The following MVD variants were observed in gnomAD, a reference collection of about 807,000 sequenced individuals.
MVD encodes the protein diphosphomevalonate decarboxylase.
Under a neutral mutation model 42.4 loss-of-function variants are expected in MVD, and 52 were observed. The ratio of observed to expected loss-of-function variants is 1.23; its 90% CI spans 0.98 to 1.55. The LOEUF is 1.55. Ranked by LOEUF, MVD falls within the 40% of genes most tolerant of loss-of-function variation. The pLI is 0.00. For synonymous variants in MVD, 287 were observed against 243.2 expected (o/e 1.18, Z -1.68); for missense variants, 663 against 572.1 (o/e 1.16, Z -1.62).
Position 88,652,591 on chromosome 16 carries a change from A to G in MVD, c.1137T>C (p.Pro379=). Residue 379 remains proline (P), a synonymous_variant, in exon 10 of 10, where the codon CCT becomes CCC. Transcript: ENST00000301012. The part of the protein sequence containing the change: ...YIIVTQVGPG[P]QILDDPCAHL... ...GGGCGCAGGGGTCATCCAGGATTTG[A>G]GGCCCTGGCCCCACCTGGGGATAGA... The G allele has an allele frequency of 6.4e-7, 1 of 1,561,984 alleles. No individual in the cohort carries two copies. The highest frequency in any genetic ancestry group is 2.4e-5 in the East Asian group (1 of 41,968).
chr16:88,657,420 C>G lies in MVD; in HGVS notation c.403+16G>C, dbSNP rs1328990009. 1 of 1,586,106 alleles carries G rather than the reference C, an allele frequency of 6.3e-7. No individual in the cohort carries two copies. Among genetic ancestry groups the G allele is most frequent in the Non-Finnish European group, 8.6e-7 (1 of 1,167,170 alleles). The stretch of plus-strand genomic sequence containing the variant: ...CCCACAGCCCAGAACCCCTGCGGGT[C>G]TCTGTGGGCACCCACCTAGGCAGGC... On this transcript the variant is annotated intron_variant, in intron 4 of 9. Transcript: ENST00000301012.
intron 9 of MVD, 72 bp downstream of exon 9, chr16:88,653,228 G>T: frequency 8.0e-7 from 1 of 1,257,818 alleles, no homozygotes; most frequent in Non-Finnish European, 1.1e-6. Flanking sequence ...GCCTTTAAGG[G>T]CCCTGGGGGC....
intron 8 of MVD, 67 bp downstream of exon 8, chr16:88,654,625 C>T (rs760445414): frequency 1.2e-5 from 18 of 1,489,866 alleles, no homozygotes; most frequent in Admixed American, 4.5e-5. Flanking sequence ...CAGGTGCCTC[C>T]GTCTCTTCCG....
At chr16:88,661,598 GAAGA>G (rs1908295636) in intron 1 of MVD, among the ~76,000 whole-genome samples, 1 of 152,000 alleles carries the variant, frequency 6.6e-6, no homozygotes, top group African/African-American at 2.4e-5. Context: ...CACAGAATAT[GAAGA>G]GAGATTTCAC....
intron 4 of MVD, 107 bp downstream of exon 4, chr16:88,657,329 A>G: frequency 1.4e-6 from 2 of 1,449,288 alleles, no homozygotes; most frequent in Non-Finnish European, 1.9e-6. Context: ...GGGTGAGGGG[A>G]TGCTCTTTTA....
At chr16:88,656,933 G>C (rs932366942) in intron 4 of MVD, 2 of 320,312 alleles carry the variant, frequency 6.2e-6, no homozygotes, top group Admixed American at 4.4e-5. Context: ...GAAGCTGCCA[G>C]CAAGTGGCCT....
intron 2 of MVD, 65 bp from the exon 3 acceptor site, chr16:88,658,094 C>G: frequency 6.6e-7 from 1 of 1,506,862 alleles, no homozygotes. Flanking sequence ...CCAGGTACCC[C>G]TTTCTACTGA....
intron 8 of MVD, 118 bp from the exon 9 acceptor site, chr16:88,653,526 G>T: frequency 1.2e-6 from 1 of 821,942 alleles, no homozygotes; most frequent in Non-Finnish European, 1.9e-6. Context: ...GGCTCAGGGA[G>T]GGGGAGACGG....
At chr16:88,659,737 G>A (rs1380254322) in intron 1 of MVD, among the ~76,000 whole-genome samples, 2 of 152,050 alleles carry the variant, frequency 1.3e-5, no homozygotes, top group Non-Finnish European at 2.9e-5. Flanking sequence ...AGGTCGAGGT[G>A]GGCAGATCAC....
rs1056139884 is a variant in MVD at position 88,662,751 on chromosome 16, G to C, written c.70+260C>G. On this transcript the variant is annotated intron_variant, in intron 1 of 9. Coordinates refer to ENST00000301012, the MANE Select transcript of MVD (RefSeq NM_002461.3). Reference sequence around the variant, plus strand: ...GATGATTGATGATTTCGATAGTTCGGTAATCGCTAATGGGCAGGCGCCGGG... The same window carrying C: ...GATGATTGATGATTTCGATAGTTCGCTAATCGCTAATGGGCAGGCGCCGGG... 2.0e-6 allele frequency: 3 copies of C among 1,478,856 alleles called. No individual in the cohort carries two copies. The African/African-American group carries it at 4.4e-5, about 22-fold the overall frequency. 91.6% of individuals were successfully genotyped at this position (1,478,856 alleles called of 1,614,324 possible). A position where few individuals can be genotyped will look rare whatever the true frequency, so the allele number is the denominator to read the frequency against.
chr16:88,654,435 G>A (rs1356520861), intron 8 of MVD, among the ~76,000 whole-genome samples: 1 of 152,206 alleles, frequency 6.6e-6, no homozygotes, highest in Non-Finnish European at 1.5e-5. Flanking sequence ...AGCTGCAGGG[G>A]ACGCTGTCAC....
intron 9 of MVD, among the ~76,000 whole-genome samples, chr16:88,652,963 C>A (rs1489377255): frequency 6.6e-6 from 1 of 152,082 alleles, no homozygotes; most frequent in East Asian, 1.9e-4. Flanking sequence ...GAACTCCGGT[C>A]TGCTGGGGTG....
chr16:88,655,911 T>C lies in MVD; in HGVS notation c.604-181A>G, dbSNP rs569778508. On this transcript the variant is annotated intron_variant, in intron 5 of 9. Coordinates refer to ENST00000301012, the MANE Select transcript of MVD (RefSeq NM_002461.3). The stretch of plus-strand genomic sequence containing the variant: ...GGGTGACGCAGGGGCAACTTCCAGA[T>C]CCCAGCGGGTGGTGGCGCCCGCCGC... 7.4e-4 allele frequency: 805 copies of C among 1,094,166 alleles called. 1 individual carries two copies. Among genetic ancestry groups the C allele is most frequent in the East Asian group, 5.0e-3 (192 of 38,556 alleles). 67.8% of individuals were successfully genotyped at this position (1,094,166 alleles called of 1,614,324 possible).
In MVD at chr16:88,656,215, C is replaced by CT; in HGVS notation, c.492_493insA (p.Gly165ArgfsTer30). On this transcript the variant is annotated frameshift_variant, in exon 5 of 10. Coordinates refer to ENST00000301012, the MANE Select transcript of MVD (RefSeq NM_002461.3). ...CCCATCTGCCACTCCACAAAGCCCC[C>CT]ATACAGGCTCCGGCAGGCGCTGCCT... is the stretch of plus-strand genomic sequence containing the variant. The CT allele has an allele frequency of 6.2e-7, 1 of 1,601,192 alleles. No individual in the cohort carries two copies. Among genetic ancestry groups the CT allele is most frequent in the Non-Finnish European group, 8.5e-7 (1 of 1,179,940 alleles).
Position 88,658,006 on chromosome 16 carries a change from G to C in MVD, c.165C>G (p.Val55=), listed in dbSNP as rs766384128. 6.2e-7 allele frequency: 1 copy of C among 1,614,094 alleles called. No homozygotes were observed. Among genetic ancestry groups the C allele is most frequent in the Admixed American group, 1.7e-5 (1 of 60,036 alleles). Reference sequence around the variant, plus strand: ...GGTCCTCGGTGAAGTCCTTGCTGATGACGGCTGTTGTGGTGGTTTTTAACT... The same window carrying C: ...GGTCCTCGGTGAAGTCCTTGCTGATCACGGCTGTTGTGGTGGTTTTTAACT... The part of the protein sequence containing the change: ...QDQLKTTTTA[V]ISKDFTEDRI... Residue 55 remains valine (V), a synonymous_variant, in exon 3 of 10, where the codon GTC becomes GTG. Coordinates refer to ENST00000301012, the MANE Select transcript of MVD (RefSeq NM_002461.3).
In MVD at chr16:88,652,476, C is replaced by T. The variant is rs549904492; in HGVS notation, c.*49G>A. The T allele has an allele frequency of 1.3e-5, 20 of 1,542,270 alleles. 1 individual carries two copies. The Middle Eastern group carries it at 1.4e-3, about 108-fold the overall frequency. ...GCCCACCACATCCGCTCCCTAGCTC[C>T]GGCGAGGCCACCCCTTCTCCAAGCG... On this transcript the variant is annotated 3_prime_UTR_variant, in exon 10 of 10. Coordinates refer to ENST00000301012, the MANE Select transcript of MVD (RefSeq NM_002461.3).
intron 4 of MVD, 111 bp from the exon 5 acceptor site, chr16:88,656,415 A>T: frequency 8.4e-7 from 1 of 1,195,096 alleles, no homozygotes; most frequent in Non-Finnish European, 1.2e-6. Flanking sequence ...GGATTTCCAG[A>T]TGACAGGGCT....
At chr16:88,654,169 G>C (rs1350733474) in intron 8 of MVD, among the ~76,000 whole-genome samples, 1 of 151,832 alleles carries the variant, frequency 6.6e-6, no homozygotes, top group African/African-American at 2.4e-5. Flanking sequence ...GCCAAGCTGT[G>C]CACCGAGGAG....
At position 88,655,746 on chromosome 16, in the gene MVD, A is replaced by C; in HGVS notation, c.604-16T>G. ...CAGCGCTCACCTGCACGAGGGAGAG[A>C]CAGCCTGGGCCACACCCTGCAGGGG... On this transcript the variant is annotated splice_polypyrimidine_tract_variant and intron_variant, in intron 5 of 9. Transcript: ENST00000301012. 2 of 1,551,980 alleles carry C rather than the reference A, an allele frequency of 1.3e-6. No homozygotes were observed. Among genetic ancestry groups the C allele is most frequent in the Non-Finnish European group, 1.7e-6 (2 of 1,148,408 alleles).
Sources: allele counts gnomAD v4.1 joint callset (sites outside exome capture counted in the v4.1 genomes callset), GRCh38; gene constraint gnomAD v4.1.1; transcripts MANE v1.5; gene names NCBI Gene and HGNC (gene_info 2026-07-23, HGNC 2026-07-21).